SLAMF1: variants seen among roughly 807,000 people sequenced by gnomAD.
SLAMF1 encodes signaling lymphocytic activation molecule family member 1.
SLAMF1 carries 18 observed loss-of-function variants against 35.1 expected under a neutral mutation model. The ratio of observed to expected loss-of-function variants is 0.51; its 90% CI spans 0.35 to 0.76. The LOEUF is 0.76. Ranked by LOEUF, SLAMF1 falls within the 30% of genes least tolerant of loss-of-function variation. SLAMF1 has a pLI of 0.01. For missense variants in SLAMF1, 392 were observed against 413.0 expected (o/e 0.95, Z 0.44); for synonymous variants, 168 against 157.2 (o/e 1.07, Z -0.51).
rs1658889644 is a variant in SLAMF1, at chr1:160,609,896, A to G, written c.*852T>C. On this transcript the variant is annotated 3_prime_UTR_variant, in exon 7 of 7. Coordinates refer to ENST00000302035, the MANE Select transcript of SLAMF1 (RefSeq NM_003037.5). ...GGTTCCAGGTTTGTTGTTCAAGGGA[A>G]TCAACAGAGAACTGGGATTTAAACA... The G allele has an allele frequency of 5.8e-6, 1 of 172,560 alleles. No individual in the cohort carries two copies. The highest frequency in any genetic ancestry group is 2.4e-5 in the African/African-American group (1 of 41,588). 10.7% of individuals were successfully genotyped at this position (172,560 alleles called of 1,614,324 possible). A position where few individuals can be genotyped will look rare whatever the true frequency, so the allele number is the denominator to read the frequency against.
rs979678284 is a variant in SLAMF1 at position 160,610,059 on chromosome 1, C to G, written c.*689G>C. ...TTTGCACAGAACTGTACTTTTAAGGCTCTTACATGGTTTCCAGTCCACTGT... is the reference window on the plus strand; with the variant it reads ...TTTGCACAGAACTGTACTTTTAAGGGTCTTACATGGTTTCCAGTCCACTGT... On this transcript the variant is annotated 3_prime_UTR_variant, in exon 7 of 7. Transcript: ENST00000302035. The G allele has an allele frequency of 3.3e-6, 1 of 303,312 alleles. No homozygotes were observed. The highest frequency in any genetic ancestry group is 2.2e-5 in the African/African-American group (1 of 45,002). 18.8% of individuals were successfully genotyped at this position (303,312 alleles called of 1,614,324 possible).
intron 5 of SLAMF1, among the ~76,000 whole-genome samples, chr1:160,618,885 T>C (rs1002812109): frequency 2.0e-5 from 3 of 152,046 alleles, no homozygotes; most frequent in African/African-American, 4.8e-5. Context: ...TCTATTTAAA[T>C]GGAGTTTAGT....
At chr1:160,640,057 A>G (rs1660658065) in intron 1 of SLAMF1, among the ~76,000 whole-genome samples, 1 of 151,988 alleles carries the variant, frequency 6.6e-6, no homozygotes, top group South Asian at 2.1e-4. Context: ...CTGACCATCT[A>G]TCTAAAATAG....
At chr1:160,612,169 T>C (rs72708856) in intron 6 of SLAMF1, among the ~76,000 whole-genome samples, 2,340 of 152,234 alleles carry the variant, frequency 0.015, 32 homozygotes, top group Non-Finnish European at 0.022. Flanking sequence ...GAGACTCCTT[T>C]TTGCCTGCAT....
chr1:160,624,703 C>A (rs1449711186), intron 3 of SLAMF1, among the ~76,000 whole-genome samples: 2 of 152,114 alleles, frequency 1.3e-5, no homozygotes, highest in African/African-American at 4.8e-5. Context: ...GGGTTGAACC[C>A]AGCAGACCTG....
chr1:160,646,454 C>T (rs895409585), intron 1 of SLAMF1, among the ~76,000 whole-genome samples: 2 of 152,212 alleles, frequency 1.3e-5, no homozygotes, highest in Non-Finnish European at 2.9e-5. Context: ...GCACAGATTC[C>T]CTCCCAGGGC....
intron 5 of SLAMF1, 84 bp from the exon 6 acceptor site, chr1:160,612,664 A>C: frequency 1.2e-6 from 1 of 805,914 alleles, no homozygotes; most frequent in Non-Finnish European, 2.1e-6. Context: ...GCACAGACTC[A>C]AGAAGACTTG....
chr1:160,644,717 G>A (rs1024674749), intron 1 of SLAMF1, among the ~76,000 whole-genome samples: 5 of 152,130 alleles, frequency 3.3e-5, no homozygotes, highest in African/African-American at 1.2e-4. Context: ...GTCCAGTGAG[G>A]GAGACAGTGA....
rs971733546 is a variant in SLAMF1 at position 160,634,906 on chromosome 1, A to T, written c.416-9T>A. The T allele has an allele frequency of 1.9e-6, 3 of 1,598,376 alleles. No homozygotes were observed. The highest frequency in any genetic ancestry group is 2.7e-5 in the African/African-American group (2 of 74,548). ...TGGAGTGGAGACCTGCTCTGTCAGG[A>T]GTGGGAGGAAGGGAGCCATCACTGA... On this transcript the variant is annotated splice_polypyrimidine_tract_variant and intron_variant, in intron 2 of 6. Transcript: ENST00000302035.
intron 5 of SLAMF1, among the ~76,000 whole-genome samples, chr1:160,616,987 C>T (rs1436669597): frequency 6.6e-6 from 1 of 152,006 alleles, no homozygotes; most frequent in East Asian, 1.9e-4. Flanking sequence ...GAAATACTGT[C>T]TCTACTAAAA....
At chr1:160,619,984 C>T in intron 4 of SLAMF1, 135 bp from the exon 5 acceptor site, 2 of 688,604 alleles carry the variant, frequency 2.9e-6, no homozygotes, top group East Asian at 2.5e-5. Flanking sequence ...TGAGTCCCAG[C>T]CCCCCTGCAC....
chr1:160,611,344 G>A (rs753069784), intron 6 of SLAMF1, among the ~76,000 whole-genome samples: 8 of 152,196 alleles, frequency 5.3e-5, no homozygotes, highest in Non-Finnish European at 8.8e-5. Context: ...TTGTCCTTAA[G>A]TAAACTTCAT....
At chr1:160,611,816 G>A (rs1317840918) in intron 6 of SLAMF1, among the ~76,000 whole-genome samples, 2 of 152,112 alleles carry the variant, frequency 1.3e-5, no homozygotes, top group African/African-American at 4.8e-5. Context: ...CAGAGTCTAG[G>A]CATGAGCATT....
At chr1:160,616,103 A>G (rs1659285842) in intron 5 of SLAMF1, among the ~76,000 whole-genome samples, 1 of 152,212 alleles carries the variant, frequency 6.6e-6, no homozygotes, top group Admixed American at 6.5e-5. Flanking sequence ...AAATCTTTAT[A>G]TCAAAACCCC....
At chr1:160,635,005 C>T (rs770094884) in intron 2 of SLAMF1, 108 bp from the exon 3 acceptor site, 8 of 940,876 alleles carry the variant, frequency 8.5e-6, no homozygotes, top group Middle Eastern at 4.7e-4. Flanking sequence ...TTCCCTCCCC[C>T]TCAATGTGAT....
chr1:160,612,657 C>G (rs1457568104), intron 5 of SLAMF1, 77 bp from the exon 6 acceptor site: 1 of 872,758 alleles, frequency 1.1e-6, no homozygotes, highest in African/African-American at 1.7e-5. Context: ...TAGAGAAGCA[C>G]AGACTCAAGA....
At position 160,610,528 on chromosome 1, in the gene SLAMF1, C is replaced by G; in HGVS notation, c.*220G>C. The G allele has an allele frequency of 1.7e-6, 1 of 576,452 alleles. No individual in the cohort carries two copies. The highest frequency in any genetic ancestry group is 3.2e-6 in the Non-Finnish European group (1 of 316,188). 35.7% of individuals were successfully genotyped at this position (576,452 alleles called of 1,614,324 possible). On this transcript the variant is annotated 3_prime_UTR_variant, in exon 7 of 7. Transcript: ENST00000302035. ...TGTTATCAAGTAACGCTCTGTTCTG[C>G]GCCTGCAGCCACTGCACAGCAAGCT...
At position 160,620,907 on chromosome 1, in the gene SLAMF1, T is replaced by C. The variant is rs141700795; in HGVS notation, c.791-1058A>G. Among the ~76,000 whole-genome samples, 118 of 152,362 alleles carry C rather than the reference T, an allele frequency of 7.7e-4. 1 individual carries two copies. In the Middle Eastern group the frequency reaches 0.01, roughly 13 times the overall value. On this transcript the variant is annotated intron_variant, in intron 4 of 6. Coordinates refer to ENST00000302035, the MANE Select transcript of SLAMF1 (RefSeq NM_003037.5). ...ATTAATTTAAATTTAAAAAGCCACA[T>C]GTGGCTAGTGACTACCATATTAGAC...
intron 4 of SLAMF1, among the ~76,000 whole-genome samples, chr1:160,622,687 AC>A (rs1267879231): frequency 6.6e-6 from 1 of 152,216 alleles, no homozygotes; most frequent in Non-Finnish European, 1.5e-5. Context: ...ACATAGTATT[AC>A]CCCTGTTTTG....
Sources: allele counts gnomAD v4.1 joint callset (sites outside exome capture counted in the v4.1 genomes callset), GRCh38; gene constraint gnomAD v4.1.1; transcripts MANE v1.5; gene names NCBI Gene and HGNC (gene_info 2026-07-23, HGNC 2026-07-21).